The following CNTN5 variants were observed in gnomAD, a reference collection of about 807,000 sequenced individuals.
The protein encoded by CNTN5 is contactin-5.
A neutral mutation model predicts 129.1 loss-of-function variants in CNTN5; 77 were observed. That is an observed-to-expected ratio of 0.60 (90% CI 0.50 to 0.72). The LOEUF (loss-of-function observed/expected upper bound fraction) is 0.72, where lower values mean the gene tolerates loss of function less well. Among genes scored for constraint, CNTN5 ranks in the 30% least tolerant of loss-of-function variants. CNTN5 has a pLI of 0.00. For missense variants in CNTN5, 1,478 were observed against 1,328.8 expected (o/e 1.11, Z -1.75); for synonymous variants, 509 against 465.6 (o/e 1.09, Z -1.20).
chr11:99,331,956 G>A (rs11219423), intron 2 of CNTN5, among the ~76,000 whole-genome samples: 1 of 151,948 alleles, frequency 6.6e-6, no homozygotes, highest in African/African-American at 2.4e-5. Context: ...AAAGAGAGAC[G>A]TGGAATAGAG....
At chr11:100,246,487 A>T (rs759789899) in intron 16 of CNTN5, among the ~76,000 whole-genome samples, 10 of 152,158 alleles carry the variant, frequency 6.6e-5, no homozygotes, top group African/African-American at 1.7e-4. Flanking sequence ...GGCTCTAGTC[A>T]TAGAAGTTGA....
chr11:99,651,551 C>T (rs1952157609), intron 3 of CNTN5, among the ~76,000 whole-genome samples: 1 of 151,938 alleles, frequency 6.6e-6, no homozygotes, highest in Non-Finnish European at 1.5e-5. Flanking sequence ...AGCTATTAGA[C>T]TTTCATGAAT....
intron 13 of CNTN5, among the ~76,000 whole-genome samples, chr11:100,083,853 T>A (rs1218309304): frequency 1.3e-5 from 2 of 152,020 alleles, no homozygotes; most frequent in African/African-American, 4.8e-5. Context: ...CTCTTTAAAG[T>A]CCTTCAAATA....
intron 1 of CNTN5, among the ~76,000 whole-genome samples, chr11:99,287,279 T>C (rs1863978878): frequency 6.6e-6 from 1 of 152,178 alleles, no homozygotes; most frequent in Admixed American, 6.5e-5. Flanking sequence ...GAAATAGTAT[T>C]ATTATGTGTT....
Position 99,092,041 on chromosome 11 carries a change from A to G in CNTN5, c.-210+70771A>G, listed in dbSNP as rs111714878. 8.5e-5 allele frequency among the ~76,000 whole-genome samples: 13 copies of G among 152,252 alleles called. 1 individual carries two copies. The highest frequency in any genetic ancestry group is 2.9e-4 in the African/African-American group (12 of 41,550). On this transcript the variant is annotated intron_variant, in intron 1 of 24. Transcript: ENST00000524871. The stretch of plus-strand genomic sequence containing the variant: ...TATATTAAGTGGTGTATTAATAATG[A>G]TTTTTCTTCCCCAATTTTGCAAACA...
intron 21 of CNTN5, among the ~76,000 whole-genome samples, chr11:100,334,522 C>T (rs1245041824): frequency 2.6e-5 from 4 of 151,928 alleles, no homozygotes; most frequent in South Asian, 4.1e-4. Context: ...AAATATGGAA[C>T]GAGCCCAAAT....
intron 1 of CNTN5, among the ~76,000 whole-genome samples, chr11:99,282,443 C>G (rs1285855782): frequency 2.0e-5 from 3 of 151,786 alleles, no homozygotes; most frequent in Non-Finnish European, 4.4e-5. Flanking sequence ...ATGTGAGCTG[C>G]TAGGTATGGA....
At position 99,556,146 on chromosome 11, in the gene CNTN5, G is replaced by T; in HGVS notation, c.-69G>T. 3.6e-6 allele frequency: 3 copies of T among 841,092 alleles called. No individual in the cohort carries two copies. Among genetic ancestry groups the T allele is most frequent in the East Asian group, 3.0e-5 (1 of 33,494 alleles). The allele number at this position is 841,092 out of a possible 1,614,324, so 52.1% of individuals were successfully genotyped here. A position where few individuals can be genotyped will look rare whatever the true frequency, so the allele number is the denominator to read the frequency against. ...AAAATTGTTATCTATCTCAAACAGG[G>T]CACTCTTTAATGAAGAAACACCAGA... On this transcript the variant is annotated splice_region_variant and 5_prime_UTR_variant, in exon 3 of 25. Coordinates refer to ENST00000524871, the MANE Select transcript of CNTN5 (RefSeq NM_014361.4).
chr11:99,738,008 A>C (rs750624183), intron 3 of CNTN5, among the ~76,000 whole-genome samples: 2 of 152,222 alleles, frequency 1.3e-5, no homozygotes, highest in Non-Finnish European at 2.9e-5. Flanking sequence ...AACAAAGTTC[A>C]TAGAACTAAA....
chr11:99,445,857 G>A (rs1253156802), intron 2 of CNTN5, among the ~76,000 whole-genome samples: 1 of 152,038 alleles, frequency 6.6e-6, no homozygotes, highest in African/African-American at 2.4e-5. Context: ...GCCGAGGCAG[G>A]CGGATCACCT....
intron 1 of CNTN5, among the ~76,000 whole-genome samples, chr11:99,256,234 T>C (rs572018052): frequency 2.2e-4 from 34 of 152,246 alleles, no homozygotes; most frequent in African/African-American, 7.7e-4. Flanking sequence ...GTTTATTATA[T>C]ATCTGGACAT....
chr11:100,297,731 G>T, intron 19 of CNTN5, 36 bp downstream of exon 19: 1 of 1,441,438 alleles, frequency 6.9e-7, no homozygotes, highest in South Asian at 1.2e-5. Context: ...ATTACTCCAC[G>T]TGTTTGTTTG....
chr11:99,299,848 G>A (rs757194716), intron 1 of CNTN5, among the ~76,000 whole-genome samples: 43 of 152,066 alleles, frequency 2.8e-4, no homozygotes, highest in Non-Finnish European at 4.7e-4. Flanking sequence ...ATAGTGCTGT[G>A]AGAAACATAC....
At chr11:99,366,684 C>T (rs565696433) in intron 2 of CNTN5, among the ~76,000 whole-genome samples, 23 of 152,232 alleles carry the variant, frequency 1.5e-4, no homozygotes, top group African/African-American at 4.8e-4. Context: ...TGTGACGTCG[C>T]CACAGGGAGT....
At chr11:100,109,921 G>A (rs1388816716) in intron 13 of CNTN5, among the ~76,000 whole-genome samples, 2 of 152,156 alleles carry the variant, frequency 1.3e-5, no homozygotes, top group Admixed American at 6.5e-5. Context: ...GCTCATGCCT[G>A]TAATCCCAGC....
chr11:99,023,081 AT>A (rs1591060001), intron 1 of CNTN5, among the ~76,000 whole-genome samples: 1 of 152,188 alleles, frequency 6.6e-6, no homozygotes, highest in Admixed American at 6.5e-5. Context: ...CAGTTGTGGA[AT>A]TTTTAAATGA....
At chr11:99,439,707 C>CAAAAAAAAAA (rs376871051) in intron 2 of CNTN5, among the ~76,000 whole-genome samples, 5 of 95,418 alleles carry the variant, frequency 5.2e-5, no homozygotes, top group East Asian at 2.9e-4. Context: ...GACTCTGTCT[C>CAAAAAAAAAA]AAAAAAAAAA....
intron 3 of CNTN5, among the ~76,000 whole-genome samples, chr11:99,701,634 A>G (rs1016712735): frequency 2.6e-5 from 4 of 151,126 alleles, no homozygotes; most frequent in African/African-American, 9.7e-5. Context: ...TAGTTCCTAT[A>G]TATTTTTAAA....
intron 6 of CNTN5, among the ~76,000 whole-genome samples, chr11:99,888,766 A>C (rs1948967206): frequency 6.6e-6 from 1 of 152,202 alleles, no homozygotes; most frequent in African/African-American, 2.4e-5. Flanking sequence ...CTCTCAAAAA[A>C]TCAAAATCCT....
Sources: allele counts gnomAD v4.1 joint callset (sites outside exome capture counted in the v4.1 genomes callset), GRCh38; gene constraint gnomAD v4.1.1; transcripts MANE v1.5; gene names NCBI Gene and HGNC (gene_info 2026-07-23, HGNC 2026-07-21).